Variants in CCDC102B observed in about 807,000 individuals in gnomAD.
CCDC102B encodes the protein coiled-coil domain-containing protein 102B.
CCDC102B carries 75 observed loss-of-function variants against 57.4 expected under a neutral mutation model. That is an observed-to-expected ratio of 1.31 (90% CI 1.08 to 1.58). The LOEUF is 1.58. Ranked by LOEUF, CCDC102B falls within the 40% of genes most tolerant of loss-of-function variation. CCDC102B has a pLI of 0.00. For missense variants in CCDC102B, 636 were observed against 582.6 expected (o/e 1.09, Z -0.94); for synonymous variants, 206 against 201.9 (o/e 1.02, Z -0.17).
At chr18:69,039,063 G>T (rs941669532) in intron 7 of CCDC102B, among the ~76,000 whole-genome samples, 4 of 151,984 alleles carry the variant, frequency 2.6e-5, no homozygotes, top group African/African-American at 9.6e-5. Flanking sequence ...TGCAACAGGG[G>T]GGTTCCTGTG....
rs76300299 is a variant in CCDC102B at position 68,906,370 on chromosome 18, C to A, written c.1263+8942C>A. Reference sequence around the variant, plus strand: ...AGAGTTGCTGAGTCAGATGGTAATTCTATCTCTGTAACTTGTGGAGGAATC... The same window carrying A: ...AGAGTTGCTGAGTCAGATGGTAATTATATCTCTGTAACTTGTGGAGGAATC... On this transcript the variant is annotated intron_variant, in intron 6 of 7. Coordinates refer to ENST00000360242, the MANE Select transcript of CCDC102B (RefSeq NM_024781.3). Among the ~76,000 whole-genome samples the A allele has an allele frequency of 3.6e-3, 546 of 152,200 alleles. 9 individuals carry two copies. The highest frequency in any genetic ancestry group is 0.012 in the African/African-American group (519 of 41,536).
intron 6 of CCDC102B, among the ~76,000 whole-genome samples, chr18:68,968,596 C>T (rs1476525540): frequency 6.6e-6 from 1 of 152,142 alleles, no homozygotes; most frequent in Non-Finnish European, 1.5e-5. Flanking sequence ...GCCCTCTTAA[C>T]AAGTTTTTAA....
intron 6 of CCDC102B, chr18:68,897,745 G>A (rs904161802): frequency 9.7e-6 from 7 of 724,240 alleles, no homozygotes; most frequent in Middle Eastern, 3.2e-4. Flanking sequence ...TATTTTCTAA[G>A]CTAATGATCT....
chr18:68,941,684 G>T (rs1368452231), intron 6 of CCDC102B, among the ~76,000 whole-genome samples: 1 of 152,012 alleles, frequency 6.6e-6, no homozygotes, highest in East Asian at 1.9e-4. Flanking sequence ...CAGTAGCGAG[G>T]ATATATATTT....
At chr18:68,904,129 A>G (rs1365642108) in intron 6 of CCDC102B, among the ~76,000 whole-genome samples, 1 of 151,766 alleles carries the variant, frequency 6.6e-6, no homozygotes, top group Non-Finnish European at 1.5e-5. Context: ...TAAAATAGAA[A>G]TTATTATAGA....
In CCDC102B at chr18:68,866,262, T is replaced by C. The variant is rs145489887; in HGVS notation, c.937-8407T>C. Among the ~76,000 whole-genome samples, 212 of 152,332 alleles carry C rather than the reference T, an allele frequency of 1.4e-3. 1 individual carries two copies. Among genetic ancestry groups the C allele is most frequent in the African/African-American group, 4.7e-3 (196 of 41,576 alleles). On this transcript the variant is annotated intron_variant, in intron 4 of 7. Coordinates refer to ENST00000360242, the MANE Select transcript of CCDC102B (RefSeq NM_024781.3). Reference sequence around the variant, plus strand: ...AGTAATAATAGATACATACATACTTTATACCCACATTTTTATGGCATATTA... The same window carrying C: ...AGTAATAATAGATACATACATACTTCATACCCACATTTTTATGGCATATTA...
At chr18:68,730,916 T>A (rs1374963168) in intron 2 of CCDC102B, among the ~76,000 whole-genome samples, 1 of 152,216 alleles carries the variant, frequency 6.6e-6, no homozygotes. Context: ...ATCTTGATCT[T>A]CTTTGGCACA....
intron 2 of CCDC102B, among the ~76,000 whole-genome samples, chr18:68,760,400 A>G (rs1309340023): frequency 6.6e-6 from 1 of 152,120 alleles, no homozygotes; most frequent in Non-Finnish European, 1.5e-5. Flanking sequence ...CAGTAGGTGT[A>G]AGATAAAAAT....
chr18:69,041,389 C>A (rs1039880944), intron 7 of CCDC102B, among the ~76,000 whole-genome samples: 2 of 152,066 alleles, frequency 1.3e-5, no homozygotes, highest in African/African-American at 2.4e-5. Context: ...ATGACCTACA[C>A]TTATTGGATA....
At chr18:68,839,304 TCA>T (rs2037520628) in intron 3 of CCDC102B, among the ~76,000 whole-genome samples, 1 of 152,106 alleles carries the variant, frequency 6.6e-6, no homozygotes, top group Non-Finnish European at 1.5e-5. Context: ...AGTGGAAAAA[TCA>T]CAATTTTGTG....
At position 68,894,281 on chromosome 18, in the gene CCDC102B, T is replaced by G. The variant is rs564289035; in HGVS notation, c.1054-2938T>G. On this transcript the variant is annotated intron_variant, in intron 5 of 7. Coordinates refer to ENST00000360242, the MANE Select transcript of CCDC102B (RefSeq NM_024781.3). ...TTCTCGACGTTTAATAAGAAATTGATGTCATTAAGTGAACAAATATTTTAG... is the reference window on the plus strand; with the variant it reads ...TTCTCGACGTTTAATAAGAAATTGAGGTCATTAAGTGAACAAATATTTTAG... 9.9e-5 allele frequency among the ~76,000 whole-genome samples: 15 copies of G among 152,218 alleles called. No homozygotes were observed. The South Asian group carries it at 1.7e-3, about 17-fold the overall frequency.
At chr18:68,955,049 G>C (rs559224169) in intron 6 of CCDC102B, among the ~76,000 whole-genome samples, 35 of 152,216 alleles carry the variant, frequency 2.3e-4, no homozygotes, top group African/African-American at 7.9e-4. Context: ...TTTTGCTTTT[G>C]TCACTCACTC....
At chr18:68,848,470 C>T (rs1221608921) in intron 4 of CCDC102B, among the ~76,000 whole-genome samples, 2 of 151,774 alleles carry the variant, frequency 1.3e-5, no homozygotes, top group Non-Finnish European at 2.9e-5. Context: ...GCTTAATAGA[C>T]CTAGAATTGT....
chr18:68,908,220 A>G (rs1599670962), intron 6 of CCDC102B: 1 of 152,318 alleles, frequency 6.6e-6, no homozygotes, highest in South Asian at 2.1e-4. Flanking sequence ...CTGTATTCAT[A>G]AAGGATATTG....
intron 5 of CCDC102B, among the ~76,000 whole-genome samples, chr18:68,880,286 C>T (rs966426036): frequency 9.2e-5 from 14 of 152,226 alleles, no homozygotes; most frequent in Non-Finnish European, 1.6e-4. Context: ...CCAGCTGCTC[C>T]GAGTGCGGGG....
In CCDC102B at chr18:68,728,857, A is replaced by G. The variant is rs569577195; in HGVS notation, c.-67+12263A>G. ...AAAATCCTAGCTTGTGTAGTAAAAG[A>G]AAAAAGAGAAAGGGGTAGTGTAAGG... On this transcript the variant is annotated intron_variant, in intron 2 of 3. Coordinates refer to the CCDC102B transcript ENST00000578970. 3.9e-5 allele frequency among the ~76,000 whole-genome samples: 6 copies of G among 152,302 alleles called. No homozygotes were observed. The East Asian group carries it at 1.2e-3, about 29-fold the overall frequency.
In CCDC102B at chr18:68,738,646, C is replaced by T. The variant is rs371948082; in HGVS notation, c.-67+22052C>T. ...TCATCTGAGCCCATTGCATAAGCACCGGGATGACTGTGAGAATGGAGTTTG... is the reference window on the plus strand; with the variant it reads ...TCATCTGAGCCCATTGCATAAGCACTGGGATGACTGTGAGAATGGAGTTTG... On this transcript the variant is annotated intron_variant, in intron 2 of 3. Coordinates refer to the CCDC102B transcript ENST00000578970. Among the ~76,000 whole-genome samples the T allele has an allele frequency of 4.4e-4, 67 of 152,282 alleles. No individual in the cohort carries two copies. In the South Asian group the frequency reaches 9.5e-3, roughly 22 times the overall value.
intron 5 of CCDC102B, among the ~76,000 whole-genome samples, chr18:68,880,006 C>T (rs1245104678): frequency 6.6e-6 from 1 of 152,212 alleles, no homozygotes; most frequent in Non-Finnish European, 1.5e-5. Context: ...CACTCCTCAG[C>T]CCTTGGGTGG....
chr18:68,923,513 T>C (rs886232776), intron 6 of CCDC102B, among the ~76,000 whole-genome samples: 3 of 152,152 alleles, frequency 2.0e-5, no homozygotes, highest in Admixed American at 6.6e-5. Flanking sequence ...CCTTGTGCTA[T>C]GTATGGTGTG....
Sources: allele counts gnomAD v4.1 joint callset (sites outside exome capture counted in the v4.1 genomes callset), GRCh38; gene constraint gnomAD v4.1.1; transcripts MANE v1.5; gene names NCBI Gene and HGNC (gene_info 2026-07-23, HGNC 2026-07-21).